Variants in KLF12 observed in about 807,000 individuals in gnomAD.
KLF12 encodes Krueppel-like factor 12.
In KLF12, 9 loss-of-function variants were observed where a neutral mutation model predicts 37.8. That is an observed-to-expected ratio of 0.24 (90% CI 0.14 to 0.42). The LOEUF (loss-of-function observed/expected upper bound fraction) is 0.42, where lower values mean the gene tolerates loss of function less well. Ranked by LOEUF, KLF12 falls within the 10% of genes least tolerant of loss-of-function variation. The pLI is 1.00. For synonymous variants in KLF12, 208 were observed against 202.1 expected, an observed-to-expected ratio of 1.03 and a Z score of -0.25; for missense variants, 411 against 516.0, an observed-to-expected ratio of 0.80 and a Z score of 1.97.
the KLF12 span, among the ~76,000 whole-genome samples, chr13:74,233,716 G>C: frequency 6.6e-6 from 1 of 151,856 alleles, no homozygotes; most frequent in Non-Finnish European, 1.5e-5. Flanking sequence ...AAGAGCAGAG[G>C]GTCTTTTATA....
chr13:73,739,469 T>C (rs1041089292), intron 6 of KLF12, among the ~76,000 whole-genome samples: 2 of 152,038 alleles, frequency 1.3e-5, no homozygotes, highest in African/African-American at 4.8e-5. Flanking sequence ...CTCAATTCAG[T>C]TTTTAAAAAA....
the KLF12 span, among the ~76,000 whole-genome samples, chr13:74,144,606 T>A: frequency 6.6e-6 from 1 of 152,182 alleles, no homozygotes; most frequent in Non-Finnish European, 1.5e-5. Flanking sequence ...TGGCTGAACA[T>A]TGTATTTTAA....
upstream of KLF12, among the ~76,000 whole-genome samples, chr13:74,134,363 C>G (rs908329798): frequency 4.6e-5 from 7 of 151,778 alleles, no homozygotes; most frequent in African/African-American, 1.5e-4. Context: ...ATGGGGCCCC[C>G]GAGCCGCTCC....
intron 1 of KLF12, among the ~76,000 whole-genome samples, chr13:74,000,009 T>C (rs1388382911): frequency 6.6e-6 from 1 of 152,206 alleles, no homozygotes; most frequent in African/African-American, 2.4e-5. Flanking sequence ...GTTGTTTCCA[T>C]TTTACATGCT....
chr13:74,154,567 C>T, the KLF12 span, among the ~76,000 whole-genome samples: 2 of 152,182 alleles, frequency 1.3e-5, no homozygotes, highest in African/African-American at 4.8e-5. Context: ...GGAGTTTAGC[C>T]TGTCCTAGAG....
intron 1 of KLF12, among the ~76,000 whole-genome samples, chr13:74,064,863 T>C (rs980935477): frequency 1.3e-5 from 2 of 152,204 alleles, no homozygotes; most frequent in Non-Finnish European, 2.9e-5. Flanking sequence ...TACTAAGTTA[T>C]CTCAGAATCA....
At chr13:73,934,740 T>C (rs1156664672) in intron 3 of KLF12, among the ~76,000 whole-genome samples, 1 of 152,082 alleles carries the variant, frequency 6.6e-6, no homozygotes, top group Non-Finnish European at 1.5e-5. Flanking sequence ...TCCTGGGATT[T>C]GTGAGTTTAT....
chr13:73,727,361 A>G (rs60216970), intron 6 of KLF12, among the ~76,000 whole-genome samples: 23,461 of 152,010 alleles, frequency 0.15, 2,989 homozygotes, highest in African/African-American at 0.35. Flanking sequence ...TGTTGAGTTC[A>G]TTTTTGCGTA....
the KLF12 span, among the ~76,000 whole-genome samples, chr13:74,246,227 G>T: frequency 1.3e-5 from 2 of 152,176 alleles, no homozygotes; most frequent in Non-Finnish European, 2.9e-5. Flanking sequence ...TTATGACAGG[G>T]CTACCTGGTA....
intron 4 of KLF12, among the ~76,000 whole-genome samples, chr13:73,844,176 T>C (rs144085516): frequency 1.8e-4 from 28 of 152,316 alleles, no homozygotes; most frequent in Non-Finnish European, 2.9e-5. Flanking sequence ...TGTACACATA[T>C]ATAAGATAAT....
the KLF12 span, among the ~76,000 whole-genome samples, chr13:74,241,155 T>G: frequency 6.6e-6 from 1 of 152,126 alleles, no homozygotes; most frequent in Non-Finnish European, 1.5e-5. Flanking sequence ...TTAGTTTTCC[T>G]TCTAACAGAC....
At chr13:73,923,881 G>A (rs1889241783) in intron 3 of KLF12, among the ~76,000 whole-genome samples, 1 of 152,196 alleles carries the variant, frequency 6.6e-6, no homozygotes, top group Non-Finnish European at 1.5e-5. Flanking sequence ...TTGTGAGGCA[G>A]ACATATCTCA....
chr13:73,876,437 TC>T (rs1886708551), intron 3 of KLF12, among the ~76,000 whole-genome samples: 1 of 152,168 alleles, frequency 6.6e-6, no homozygotes, highest in South Asian at 2.1e-4. Flanking sequence ...TGGGACAATC[TC>T]CCTTTCTTAA....
chr13:73,976,294 G>A (rs1225753451), intron 2 of KLF12, among the ~76,000 whole-genome samples: 1 of 152,016 alleles, frequency 6.6e-6, no homozygotes, highest in Non-Finnish European at 1.5e-5. Context: ...ATACAAAAAT[G>A]GATTTAGGAG....
the KLF12 span, among the ~76,000 whole-genome samples, chr13:74,162,778 T>A: frequency 6.6e-6 from 1 of 152,106 alleles, no homozygotes; most frequent in Non-Finnish European, 1.5e-5. Flanking sequence ...TTATTACTGC[T>A]CTGCTAACTT....
intron 3 of KLF12, among the ~76,000 whole-genome samples, chr13:73,939,146 GTTAGTGTAGA>G (rs879728339): frequency 3.9e-5 from 6 of 152,170 alleles, no homozygotes; most frequent in Admixed American, 6.5e-5. Flanking sequence ...CACCCTTGCA[GTTAGTGTAGA>G]CACTCAGGTC....
chr13:74,123,177 A>T (rs1877737290), intron 1 of KLF12, among the ~76,000 whole-genome samples: 4 of 152,078 alleles, frequency 2.6e-5, no homozygotes. Flanking sequence ...ATAAATACCT[A>T]TCTGTGTGTT....
rs189994012 is a variant in KLF12, at chr13:73,889,924, A to G, written c.124-43551T>C. Reference sequence around the variant, plus strand: ...GTTCTGCATTTTTAAATAAAAAAAGAACCTTAAAGCTGAATTTTGAAGCCT... The same window carrying G: ...GTTCTGCATTTTTAAATAAAAAAAGGACCTTAAAGCTGAATTTTGAAGCCT... On this transcript the variant is annotated intron_variant, in intron 3 of 7. Transcript: ENST00000377669. 3.9e-5 allele frequency among the ~76,000 whole-genome samples: 6 copies of G among 152,274 alleles called. 1 individual carries two copies. Among genetic ancestry groups the G allele is most frequent in the Admixed American group, 3.3e-4 (5 of 15,302 alleles).
intron 6 of KLF12, among the ~76,000 whole-genome samples, chr13:73,727,879 T>C (rs748774530): frequency 3.9e-5 from 6 of 152,118 alleles, no homozygotes; most frequent in Non-Finnish European, 7.4e-5. Context: ...TGTATTTTAG[T>C]AGAGACAAGG....
Sources: gnomAD v4.1 joint callset for allele counts (sites outside exome capture counted in the v4.1 genomes callset) on GRCh38, gnomAD v4.1.1 for gene constraint, MANE v1.5 for transcripts, NCBI Gene and HGNC (gene_info 2026-07-23, HGNC 2026-07-21) for gene names.